The following CYP7B1 variants were observed in gnomAD, a reference collection of about 807,000 sequenced individuals.
CYP7B1 encodes cytochrome P450 7B1.
CYP7B1 carries 29 observed loss-of-function variants against 42.7 expected under a neutral mutation model. That is an observed-to-expected ratio of 0.68 (90% confidence interval 0.51 to 0.93). CYP7B1 has a LOEUF of 0.93. Among genes scored for constraint, CYP7B1 ranks in the 40% least tolerant of loss-of-function variants. The pLI is 0.00. For synonymous variants in CYP7B1, 235 were observed against 218.2 expected (o/e 1.08, Z -0.68); for missense variants, 655 against 600.5 (o/e 1.09, Z -0.95).
intron 1 of CYP7B1, among the ~76,000 whole-genome samples, chr8:64,686,249 C>G (rs1307889419): frequency 3.2e-4 from 14 of 43,698 alleles, no homozygotes; most frequent in Admixed American, 3.6e-4. Context: ...GCCCCCCGCC[C>G]GGCCAGCCGC....
At chr8:64,616,438 C>T (rs1805450967) in intron 2 of CYP7B1, among the ~76,000 whole-genome samples, 157 bp from the exon 3 acceptor site, 1 of 152,148 alleles carries the variant, frequency 6.6e-6, no homozygotes, top group Admixed American at 6.6e-5. Flanking sequence ...AGGTACACTA[C>T]ATGTTTCCTT....
chr8:64,653,886 T>C (rs564376865), intron 1 of CYP7B1, among the ~76,000 whole-genome samples: 2 of 152,244 alleles, frequency 1.3e-5, no homozygotes, highest in Admixed American at 1.3e-4. Context: ...TAAACAGAAC[T>C]ACAGACAAAA....
At chr8:64,660,176 A>C (rs565390267) in intron 1 of CYP7B1, among the ~76,000 whole-genome samples, 1 of 152,350 alleles carries the variant, frequency 6.6e-6, no homozygotes, top group East Asian at 1.9e-4. Flanking sequence ...GAGGTTCACA[A>C]AAGTTAAATA....
At chr8:64,713,434 G>C (rs1046210360) in intron 1 of CYP7B1, among the ~76,000 whole-genome samples, 2 of 151,992 alleles carry the variant, frequency 1.3e-5, no homozygotes, top group African/African-American at 4.8e-5. Context: ...GGAATTTGCA[G>C]ACAGGGAAGT....
chr8:64,720,104 C>G (rs1365492514), intron 1 of CYP7B1, among the ~76,000 whole-genome samples: 1 of 152,108 alleles, frequency 6.6e-6, no homozygotes, highest in African/African-American at 2.4e-5. Context: ...ACAATGAACC[C>G]ACTTTACATT....
intron 1 of CYP7B1, among the ~76,000 whole-genome samples, chr8:64,731,891 A>G (rs745482683): frequency 6.6e-6 from 1 of 152,224 alleles, no homozygotes; most frequent in Non-Finnish European, 1.5e-5. Flanking sequence ...GGTGGCTTCC[A>G]CGTGGTGTTT....
At chr8:64,700,185 A>T (rs1010622050) in intron 1 of CYP7B1, among the ~76,000 whole-genome samples, 1 of 152,138 alleles carries the variant, frequency 6.6e-6, no homozygotes, top group Non-Finnish European at 1.5e-5. Flanking sequence ...GCAATCAAAC[A>T]TGAGCAACTT....
intron 1 of CYP7B1, among the ~76,000 whole-genome samples, chr8:64,721,507 T>C (rs1563404488): frequency 6.6e-6 from 1 of 152,190 alleles, no homozygotes. Context: ...AAAACTAAAA[T>C]AGGTCTGTCG....
intron 2 of CYP7B1, among the ~76,000 whole-genome samples, chr8:64,624,006 G>A (rs1209092466): frequency 1.3e-5 from 2 of 151,788 alleles, no homozygotes; most frequent in Non-Finnish European, 2.9e-5. Context: ...GGGGGGAGGG[G>A]GTATATGGGA....
At chr8:64,699,317 A>C (rs923925713) in intron 1 of CYP7B1, among the ~76,000 whole-genome samples, 1 of 152,164 alleles carries the variant, frequency 6.6e-6, no homozygotes, top group Admixed American at 6.6e-5. Flanking sequence ...TCATGTCAAA[A>C]GAACTGTTCA....
At chr8:64,650,155 A>G (rs1366690781) in intron 1 of CYP7B1, among the ~76,000 whole-genome samples, 3 of 152,230 alleles carry the variant, frequency 2.0e-5, no homozygotes, top group African/African-American at 7.2e-5. Flanking sequence ...AAACAATGGC[A>G]TAAGTTTACA....
At chr8:64,732,256 A>T (rs1401436296) in intron 1 of CYP7B1, among the ~76,000 whole-genome samples, 1 of 152,230 alleles carries the variant, frequency 6.6e-6, no homozygotes, top group Non-Finnish European at 1.5e-5. Flanking sequence ...CCACAGAGGC[A>T]GAGCTGCCCA....
At chr8:64,634,693 A>G (rs974239121) in intron 1 of CYP7B1, among the ~76,000 whole-genome samples, 2 of 152,208 alleles carry the variant, frequency 1.3e-5, no homozygotes, top group Non-Finnish European at 2.9e-5. Context: ...ACAGTCTACA[A>G]ATGAATCAAA....
intron 1 of CYP7B1, among the ~76,000 whole-genome samples, chr8:64,780,582 A>T (rs577840844): frequency 6.6e-6 from 1 of 152,306 alleles, no homozygotes; most frequent in Non-Finnish European, 1.5e-5. Context: ...ACCCATAAAA[A>T]TGAGCAATTC....
intron 1 of CYP7B1, among the ~76,000 whole-genome samples, chr8:64,694,344 A>T (rs1387566483): frequency 6.6e-6 from 1 of 152,206 alleles, no homozygotes; most frequent in Admixed American, 6.5e-5. Flanking sequence ...TGTAATTTTA[A>T]ATATGGCTTT....
chr8:64,611,326 G>A (rs1439879413), intron 4 of CYP7B1, among the ~76,000 whole-genome samples: 1 of 152,162 alleles, frequency 6.6e-6, no homozygotes, highest in Non-Finnish European at 1.5e-5. Flanking sequence ...ATCTGTGAAA[G>A]TGACAAAATA....
chr8:64,764,566 G>T (rs1205348574), intron 1 of CYP7B1, among the ~76,000 whole-genome samples: 3 of 152,086 alleles, frequency 2.0e-5, no homozygotes, highest in Admixed American at 2.0e-4. Context: ...ATACTACCTT[G>T]TTGTCAGTGT....
intron 1 of CYP7B1, among the ~76,000 whole-genome samples, chr8:64,773,461 C>G (rs1331361616): frequency 1.3e-5 from 2 of 152,208 alleles, no homozygotes; most frequent in African/African-American, 4.8e-5. Context: ...CACACGCCTA[C>G]TCTTCAGCTT....
intron 1 of CYP7B1, among the ~76,000 whole-genome samples, chr8:64,743,584 C>G (rs1205584301): frequency 6.6e-6 from 1 of 152,194 alleles, no homozygotes; most frequent in African/African-American, 2.4e-5. Context: ...TGTCTTCTCA[C>G]TGAGTCTTCA....
Sources: allele counts gnomAD v4.1 joint callset (sites outside exome capture counted in the v4.1 genomes callset), GRCh38; gene constraint gnomAD v4.1.1; transcripts MANE v1.5; gene names NCBI Gene and HGNC (gene_info 2026-07-23, HGNC 2026-07-21).